Variants in TMEM184B observed in about 807,000 individuals in gnomAD.
TMEM184B encodes putative MAPK-activating protein FM08.
A neutral mutation model predicts 41.8 loss-of-function variants in TMEM184B; 17 were observed. That is an observed-to-expected ratio of 0.41 (90% CI 0.28 to 0.61). TMEM184B has a LOEUF of 0.61. TMEM184B is among the 20% of genes least tolerant of loss of function. The pLI, the probability that TMEM184B is intolerant of heterozygous loss-of-function variation, is 0.34. For synonymous variants in TMEM184B, 240 were observed against 229.5 expected (o/e 1.05, Z -0.41); for missense variants, 393 against 557.8 (o/e 0.70, Z 2.98).
intron 1 of TMEM184B, among the ~76,000 whole-genome samples, chr22:38,265,016 A>C (rs977897353): frequency 6.6e-6 from 1 of 152,162 alleles, no homozygotes; most frequent in Non-Finnish European, 1.5e-5. Context: ...GCAAATATGT[A>C]CTGTTTTGGA....
intron 1 of TMEM184B, among the ~76,000 whole-genome samples, chr22:38,252,015 T>C (rs562351447): frequency 2.0e-5 from 3 of 150,436 alleles, no homozygotes; most frequent in Non-Finnish European, 3.0e-5. Context: ...CCCACCTCAG[T>C]CTCCCAAGCA....
intron 1 of TMEM184B, among the ~76,000 whole-genome samples, chr22:38,266,565 C>T (rs1357120337): frequency 6.6e-6 from 1 of 152,200 alleles, no homozygotes; most frequent in African/African-American, 2.4e-5. Flanking sequence ...TGAAACAAAG[C>T]GCAAGAGCTG....
Position 38,224,788 on chromosome 22 carries a change from G to T in TMEM184B, c.979C>A (p.Gln327Lys). 1 of 1,595,620 alleles carries T rather than the reference G, an allele frequency of 6.3e-7. No individual in the cohort carries two copies. The highest frequency in any genetic ancestry group is 8.6e-7 in the Non-Finnish European group (1 of 1,167,570). ...CGCCTAGGACCCTGGCTCATACCTT[G>T]TGCGTCCAGCCTCTTGTCAGCATAG... Reference protein sequence around the residue: ...KVYADKRLDAQGRCAPMKSIS... With the variant: ...KVYADKRLDAKGRCAPMKSIS... Residue 327 changes from glutamine to lysine, a missense_variant, in exon 8 of 9, where the codon CAA becomes AAA. Physicochemically the swap from Gln to Lys is moderately conservative, Grantham distance 53. Around this residue, in one of 2 missense-constraint regions of TMEM184B, gnomAD observed 271 missense variants for 434.1 expected, o/e 0.62. Transcript: ENST00000361906.
At chr22:38,224,666 TG>T in intron 8 of TMEM184B, 118 bp downstream of exon 8, 1 of 998,182 alleles carries the variant, frequency 1.0e-6, no homozygotes, top group Non-Finnish European at 1.4e-6. Context: ...GCATATAGAG[TG>T]GGGATCCCAT....
chr22:38,256,658 G>T lies in TMEM184B; in HGVS notation c.-58-8639C>A, dbSNP rs138795737. Among the ~76,000 whole-genome samples, 255 of 152,152 alleles carry T rather than the reference G, an allele frequency of 1.7e-3. 1 individual carries two copies. The highest frequency in any genetic ancestry group is 6.1e-3 in the African/African-American group (252 of 41,510). On this transcript the variant is annotated intron_variant, in intron 1 of 8. Coordinates refer to ENST00000361906, the MANE Select transcript of TMEM184B (RefSeq NM_012264.5). ...CTGCTGTCTAAAGCTTTTTATTATG[G>T]AACATTTCAAACATACAAAACTGGA...
Position 38,227,011 on chromosome 22 carries a change from C to T in TMEM184B, c.526-141G>A, listed in dbSNP as rs547113802. Reference sequence around the variant, plus strand: ...CGGAGAGGACGGAGGGATGGAGGGACGGAGGGGATGGAGGGACGAAGGGAT... The same window carrying T: ...CGGAGAGGACGGAGGGATGGAGGGATGGAGGGGATGGAGGGACGAAGGGAT... On this transcript the variant is annotated intron_variant, in intron 5 of 8. Transcript: ENST00000361906. The T allele has an allele frequency of 9.3e-5, 68 of 730,020 alleles. No homozygotes were observed. The Admixed American group carries it at 1.3e-3, about 14-fold the overall frequency. 45.2% of individuals were successfully genotyped at this position (730,020 alleles called of 1,614,324 possible).
chr22:38,256,495 C>T (rs2092281688), intron 1 of TMEM184B, among the ~76,000 whole-genome samples: 1 of 152,088 alleles, frequency 6.6e-6, no homozygotes, highest in African/African-American at 2.4e-5. Context: ...TCCCAAAGTG[C>T]TGGGATTACA....
chr22:38,237,801 CTTTT>C lies in TMEM184B; in HGVS notation c.359-6471_359-6468del, dbSNP rs563345165. On this transcript the variant is annotated intron_variant, in intron 3 of 8. Transcript: ENST00000361906. ...TGGTTCCTCTTCTCCTCCCTACTGT[CTTTT>C]TTTTTTTTTTTTTAGACGGAGTTTC... Among the ~76,000 whole-genome samples, 36 of 139,506 alleles carry C rather than the reference CTTTT, an allele frequency of 2.6e-4. 1 individual carries two copies. The highest frequency in any genetic ancestry group is 8.9e-4 in the African/African-American group (34 of 38,274). 91.5% of individuals were successfully genotyped at this position (139,506 alleles called of 152,430 possible).
chr22:38,248,431 C>T (rs914009047), intron 1 of TMEM184B, among the ~76,000 whole-genome samples: 2 of 152,228 alleles, frequency 1.3e-5, no homozygotes, highest in Non-Finnish European at 2.9e-5. Context: ...CTTTGCTGTT[C>T]CTTGAACATA....
chr22:38,266,574 T>C (rs2092446753), intron 1 of TMEM184B, among the ~76,000 whole-genome samples: 1 of 152,260 alleles, frequency 6.6e-6, no homozygotes, highest in Non-Finnish European at 1.5e-5. Context: ...GCGCAAGAGC[T>C]GTTTTAGAAC....
chr22:38,227,708 G>A (rs11914064), intron 5 of TMEM184B, among the ~76,000 whole-genome samples: 21,094 of 152,110 alleles, frequency 0.14, 1,676 homozygotes, highest in South Asian at 0.27. Flanking sequence ...TGATGAAAAG[G>A]ATGTAGTCAC....
At position 38,246,059 on chromosome 22, in the gene TMEM184B, C is replaced by T; in HGVS notation, c.234G>A (p.Gln78=). The change falls in exon 3 of 9, where the codon CAG becomes CAA. Residue 78 remains glutamine, a synonymous_variant. Coordinates refer to ENST00000361906, the MANE Select transcript of TMEM184B (RefSeq NM_012264.5). Reference sequence around the variant, plus strand: ...TGAAGAGGATGCGCACGATGTAGCGCTGCTCGTTGGGGCAGCTGTAGCAGC... The same window carrying T: ...TGAAGAGGATGCGCACGATGTAGCGTTGCTCGTTGGGGCAGCTGTAGCAGC... ...HLRCYSCPNE[Q]RYIVRILFIV... 1 of 1,613,104 alleles carries T rather than the reference C, an allele frequency of 6.2e-7. No homozygotes were observed. The highest frequency in any genetic ancestry group is 8.5e-7 in the Non-Finnish European group (1 of 1,180,002).
chr22:38,259,133 G>A (rs1157365058), intron 1 of TMEM184B, among the ~76,000 whole-genome samples: 6 of 152,110 alleles, frequency 3.9e-5, no homozygotes, highest in African/African-American at 9.7e-5. Flanking sequence ...CAGCTATGTC[G>A]TCACTGAACT....
intron 8 of TMEM184B, chr22:38,222,738 G>C (rs2091295565): frequency 2.0e-6 from 2 of 982,858 alleles, no homozygotes; most frequent in Non-Finnish European, 2.4e-6. Context: ...GAGAAGACAA[G>C]AGACAGCTGA....
intron 8 of TMEM184B, 169 bp from the exon 9 acceptor site, chr22:38,221,879 G>T: frequency 1.0e-6 from 1 of 996,980 alleles, no homozygotes; most frequent in Non-Finnish European, 1.4e-6. Context: ...GAAGGGGCAG[G>T]AAAAAATGGA....
intron 1 of TMEM184B, 66 bp downstream of exon 1, chr22:38,272,818 C>T (rs1197957454): frequency 2.0e-6 from 2 of 984,274 alleles, no homozygotes; most frequent in African/African-American, 1.7e-5. Context: ...AAACAAGCAG[C>T]CCCCCGCGCT....
At position 38,248,089 on chromosome 22, in the gene TMEM184B, G is replaced by A. The variant is rs1376318615; in HGVS notation, c.-58-70C>T. ...GGCAGCATTGGAAAGAATCTTCCAG[G>A]TCTCTCCACCCACCTCCTGACCATG... is the stretch of plus-strand genomic sequence containing the variant. On this transcript the variant is annotated intron_variant, in intron 1 of 8. Transcript: ENST00000361906. 10 of 1,453,182 alleles carry A rather than the reference G, an allele frequency of 6.9e-6. No individual in the cohort carries two copies. The East Asian group carries it at 1.0e-4, about 14-fold the overall frequency. 90.0% of individuals were successfully genotyped at this position (1,453,182 alleles called of 1,614,324 possible).
intron 1 of TMEM184B, among the ~76,000 whole-genome samples, chr22:38,268,591 C>T (rs959318970): frequency 1.3e-5 from 2 of 152,182 alleles, no homozygotes; most frequent in African/African-American, 4.8e-5. Context: ...AGATGGCATT[C>T]AGCAAACATT....
At chr22:38,268,366 C>A (rs1487379133) in intron 1 of TMEM184B, among the ~76,000 whole-genome samples, 3 of 135,160 alleles carry the variant, frequency 2.2e-5, no homozygotes, top group Admixed American at 7.7e-5. Flanking sequence ...CAGAGGGAGA[C>A]CCTGTCTCAA....
Sources: gnomAD v4.1 joint callset for allele counts (sites outside exome capture counted in the v4.1 genomes callset) on GRCh38, gnomAD v4.1.1 for gene constraint, gnomAD v4.1.1 regional missense constraint, MANE v1.5 for transcripts, NCBI Gene and HGNC (gene_info 2026-07-23, HGNC 2026-07-21) for gene names.